Variants in FCHSD2 observed in about 807,000 individuals in gnomAD.
FCHSD2 encodes FCH and double SH3 domains 2.
In FCHSD2, 38 loss-of-function variants were observed where a neutral mutation model predicts 108.1. The ratio of observed to expected loss-of-function variants is 0.35; its 90% CI spans 0.27 to 0.46. The LOEUF is 0.46. Among genes scored for constraint, FCHSD2 ranks in the 20% least tolerant of loss-of-function variants. The pLI is 1.00. For missense variants in FCHSD2, 751 were observed against 897.8 expected, an observed-to-expected ratio of 0.84 and a Z score of 2.09; for synonymous variants, 279 against 314.7, an observed-to-expected ratio of 0.89 and a Z score of 1.20.
At chr11:73,004,738 T>C (rs1857703847) in intron 4 of FCHSD2, among the ~76,000 whole-genome samples, 1 of 152,218 alleles carries the variant, frequency 6.6e-6, no homozygotes, top group Non-Finnish European at 1.5e-5. Flanking sequence ...GATAATTACG[T>C]TGCCTGGTAG....
intron 3 of FCHSD2, among the ~76,000 whole-genome samples, chr11:73,083,015 CA>C: frequency 6.6e-6 from 1 of 152,234 alleles, no homozygotes. Context: ...CCACTAAAAG[CA>C]TTATTACTCT....
intron 2 of FCHSD2, among the ~76,000 whole-genome samples, chr11:73,127,734 T>C (rs1860892105): frequency 6.6e-6 from 1 of 152,102 alleles, no homozygotes; most frequent in Admixed American, 6.6e-5. Flanking sequence ...TAAAACTCTT[T>C]ATATGGCCTT....
At chr11:72,849,702 G>A (rs1204335995) in intron 14 of FCHSD2, 53 bp downstream of exon 14, 3 of 1,383,316 alleles carry the variant, frequency 2.2e-6, no homozygotes, top group Non-Finnish European at 3.1e-6. Flanking sequence ...ACAGTCATGT[G>A]TATCTTCAGA....
chr11:73,090,517 G>A (rs1367695921), intron 2 of FCHSD2, among the ~76,000 whole-genome samples: 2 of 152,060 alleles, frequency 1.3e-5, no homozygotes, highest in African/African-American at 2.4e-5. Context: ...GAGCCACCGC[G>A]CGCGGCCTAC....
chr11:72,977,620 A>G (rs868761599), intron 8 of FCHSD2, among the ~76,000 whole-genome samples: 1 of 152,278 alleles, frequency 6.6e-6, no homozygotes, highest in African/African-American at 2.4e-5. Flanking sequence ...GTGCTGCCGA[A>G]GCGAGCACGC....
chr11:72,930,499 C>T (rs1856167228), intron 8 of FCHSD2, among the ~76,000 whole-genome samples: 1 of 152,152 alleles, frequency 6.6e-6, no homozygotes, highest in Admixed American at 6.5e-5. Flanking sequence ...CACCTGTAAT[C>T]CCAGCACTTT....
At chr11:72,951,925 C>T (rs1489921868) in intron 8 of FCHSD2, among the ~76,000 whole-genome samples, 1 of 152,202 alleles carries the variant, frequency 6.6e-6, no homozygotes, top group Non-Finnish European at 1.5e-5. Flanking sequence ...GACAAGAATA[C>T]TGTAACAGCT....
At chr11:72,940,778 T>A (rs961117372) in intron 8 of FCHSD2, 6 of 851,648 alleles carry the variant, frequency 7.0e-6, no homozygotes, top group Non-Finnish European at 1.2e-5. Flanking sequence ...CAGCTAAAGT[T>A]TGCCTGAAGC....
chr11:72,932,631 T>C (rs962932732), intron 8 of FCHSD2, among the ~76,000 whole-genome samples: 2 of 152,242 alleles, frequency 1.3e-5, no homozygotes, highest in Non-Finnish European at 2.9e-5. Flanking sequence ...TTATCAGCCT[T>C]AGTCTCTTCA....
intron 12 of FCHSD2, among the ~76,000 whole-genome samples, chr11:72,869,297 T>C (rs1035965567): frequency 2.6e-5 from 4 of 152,164 alleles, no homozygotes; most frequent in African/African-American, 9.7e-5. Context: ...AAGTTCTTCC[T>C]AATCGATTAA....
At chr11:72,841,258 C>T (rs1443869567) in intron 18 of FCHSD2, among the ~76,000 whole-genome samples, 196 bp downstream of exon 18, 1 of 141,680 alleles carries the variant, frequency 7.1e-6, no homozygotes, top group Non-Finnish European at 1.5e-5. Context: ...CACTTGAGCC[C>T]AGGAATTGGT....
At chr11:73,098,918 C>T (rs1367191007) in intron 2 of FCHSD2, among the ~76,000 whole-genome samples, 1 of 152,126 alleles carries the variant, frequency 6.6e-6, no homozygotes, top group Non-Finnish European at 1.5e-5. Flanking sequence ...AAATGAACTT[C>T]ATCAAAATTT....
intron 8 of FCHSD2, among the ~76,000 whole-genome samples, chr11:72,942,125 C>A (rs1856431956): frequency 6.6e-6 from 1 of 152,152 alleles, no homozygotes; most frequent in Non-Finnish European, 1.5e-5. Context: ...GGCAGCAGAT[C>A]CCTCATGAAT....
At chr11:73,099,954 T>C (rs1860179488) in intron 2 of FCHSD2, among the ~76,000 whole-genome samples, 1 of 152,184 alleles carries the variant, frequency 6.6e-6, no homozygotes, top group Non-Finnish European at 1.5e-5. Flanking sequence ...AGCTCTAAGT[T>C]TCCCCAGAAG....
intron 2 of FCHSD2, among the ~76,000 whole-genome samples, chr11:73,099,500 A>G (rs1008140210): frequency 2.0e-5 from 3 of 152,254 alleles, no homozygotes; most frequent in African/African-American, 4.8e-5. Context: ...ACAAATGTTC[A>G]TAACAGCATT....
intron 12 of FCHSD2, among the ~76,000 whole-genome samples, chr11:72,878,041 TG>T (rs1225973502): frequency 9.2e-5 from 14 of 152,162 alleles, no homozygotes; most frequent in Admixed American, 9.2e-4. Flanking sequence ...TTAGATAATA[TG>T]ATTAGGAATA....
chr11:73,049,575 C>A (rs1219505860), intron 3 of FCHSD2, among the ~76,000 whole-genome samples: 2 of 149,948 alleles, frequency 1.3e-5, no homozygotes, highest in Admixed American at 6.6e-5. Context: ...GGGAGATATA[C>A]CTAATGCTAG....
intron 3 of FCHSD2, among the ~76,000 whole-genome samples, chr11:73,064,893 A>C (rs1455357433): frequency 6.6e-6 from 1 of 152,190 alleles, no homozygotes. Context: ...AAAGTCCAGG[A>C]CCAGACCGAT....
At chr11:72,950,930 G>T (rs181930369) in intron 8 of FCHSD2, among the ~76,000 whole-genome samples, 2 of 152,284 alleles carry the variant, frequency 1.3e-5, no homozygotes, top group East Asian at 3.9e-4. Flanking sequence ...AATTCAGTGT[G>T]AACAGAAGTA....
Sources: allele counts gnomAD v4.1 joint callset (sites outside exome capture counted in the v4.1 genomes callset), GRCh38; gene constraint gnomAD v4.1.1; transcripts MANE v1.5; gene names NCBI Gene and HGNC (gene_info 2026-07-23, HGNC 2026-07-21).